The following ATP1B3 variants were observed in gnomAD, a reference collection of about 807,000 sequenced individuals.
ATP1B3 encodes the protein ATPase Na+/K+ transporting subunit beta 3.
Under a neutral mutation model 30.2 loss-of-function variants are expected in ATP1B3, and 10 were observed. That is an observed-to-expected ratio of 0.33 (90% CI 0.20 to 0.56). The LOEUF is 0.56. Among genes scored for constraint, ATP1B3 ranks in the 20% least tolerant of loss-of-function variants. ATP1B3 has a pLI of 0.90. For missense variants in ATP1B3, 238 were observed against 336.7 expected, an observed-to-expected ratio of 0.71 and a Z score of 2.29; for synonymous variants, 113 against 117.0, an observed-to-expected ratio of 0.97 and a Z score of 0.22.
At chr3:141,881,214 A>AAG (rs1203150128) in intron 1 of ATP1B3, among the ~76,000 whole-genome samples, 2 of 151,922 alleles carry the variant, frequency 1.3e-5, no homozygotes, top group Admixed American at 6.6e-5. Context: ...CAAAAAAAAA[A>AAG]AAAAGAAAAG....
At chr3:141,886,952 A>G (rs934206225) in intron 1 of ATP1B3, among the ~76,000 whole-genome samples, 4 of 152,216 alleles carry the variant, frequency 2.6e-5, no homozygotes, top group Non-Finnish European at 5.9e-5. Flanking sequence ...GCAGTGAGCC[A>G]TGATTGTGCC....
intron 1 of ATP1B3, among the ~76,000 whole-genome samples, chr3:141,897,095 G>T (rs910500727): frequency 6.6e-6 from 1 of 152,108 alleles, no homozygotes; most frequent in Non-Finnish European, 1.5e-5. Flanking sequence ...TGCTGCTACT[G>T]TTGCTAGTTG....
intron 6 of ATP1B3, among the ~76,000 whole-genome samples, chr3:141,923,845 A>G (rs375200048): frequency 2.0e-5 from 3 of 152,152 alleles, no homozygotes; most frequent in Non-Finnish European, 2.9e-5. Flanking sequence ...GTGGTTTTTC[A>G]TGATTAAATA....
intron 1 of ATP1B3, chr3:141,902,281 T>G (rs1160334485): frequency 2.7e-5 from 32 of 1,198,668 alleles, no homozygotes; most frequent in Non-Finnish European, 3.4e-5. Context: ...TGAAATTGCT[T>G]TAACTATTTC....
intron 1 of ATP1B3, among the ~76,000 whole-genome samples, chr3:141,890,717 C>T (rs879678109): frequency 4.7e-5 from 7 of 147,964 alleles, no homozygotes; most frequent in Non-Finnish European, 7.4e-5. Flanking sequence ...GGATTACAGA[C>T]GTGAGCCACC....
intron 3 of ATP1B3, among the ~76,000 whole-genome samples, chr3:141,908,331 A>G (rs1276780377): frequency 6.6e-6 from 1 of 152,070 alleles, no homozygotes; most frequent in Non-Finnish European, 1.5e-5. Flanking sequence ...CACATGAGTA[A>G]TCATCGAATG....
At chr3:141,889,264 C>G (rs1348089242) in intron 1 of ATP1B3, among the ~76,000 whole-genome samples, 3 of 152,056 alleles carry the variant, frequency 2.0e-5, no homozygotes, top group African/African-American at 7.2e-5. Flanking sequence ...CAAATCATAT[C>G]ACATAATATT....
At chr3:141,925,400 A>C in intron 6 of ATP1B3, 131 bp from the exon 7 acceptor site, 1 of 901,930 alleles carries the variant, frequency 1.1e-6, no homozygotes, top group Non-Finnish European at 1.6e-6. Context: ...AATGAGCCAT[A>C]ATTGCACCAC....
chr3:141,876,957 G>T (rs1409364606), intron 1 of ATP1B3, 47 bp downstream of exon 1: 2 of 1,449,540 alleles, frequency 1.4e-6, no homozygotes, highest in Non-Finnish European at 1.9e-6. Flanking sequence ...CGGTCCCGGG[G>T]GCGCCGGGCG....
chr3:141,901,947 A>G (rs1346091207), intron 1 of ATP1B3, among the ~76,000 whole-genome samples: 1 of 152,162 alleles, frequency 6.6e-6, no homozygotes, highest in African/African-American at 2.4e-5. Flanking sequence ...AGCCACACTC[A>G]TTACATTTAA....
intron 1 of ATP1B3, among the ~76,000 whole-genome samples, chr3:141,878,170 C>T (rs894573214): frequency 1.3e-5 from 2 of 152,090 alleles, no homozygotes; most frequent in African/African-American, 4.8e-5. Flanking sequence ...GTGATTTTTG[C>T]CTTGTGTAAA....
chr3:141,906,330 C>G (rs879452196), intron 2 of ATP1B3, among the ~76,000 whole-genome samples: 21 of 152,248 alleles, frequency 1.4e-4, no homozygotes, highest in Admixed American at 3.9e-4. Flanking sequence ...CAGGCATGCA[C>G]CACCACACCC....
At chr3:141,905,350 T>G (rs1287360161) in intron 2 of ATP1B3, among the ~76,000 whole-genome samples, 1 of 152,112 alleles carries the variant, frequency 6.6e-6, no homozygotes, top group Non-Finnish European at 1.5e-5. Flanking sequence ...AGAGAGGTGG[T>G]ACTGTGAATA....
rs1387415758 is a variant in ATP1B3, at chr3:141,876,769, G to T, written c.-33G>T. The T allele has an allele frequency of 2.1e-5, 33 of 1,561,990 alleles. No homozygotes were observed. The East Asian group carries it at 7.7e-4, about 36-fold the overall frequency. ...AGCCCTCGCCGCCTCCATCCCCGCG[G>T]CCGCAGCTCCTCTCGCCGTCCGCGC... is the stretch of plus-strand genomic sequence containing the variant. On this transcript the variant is annotated 5_prime_UTR_variant, in exon 1 of 7. Transcript: ENST00000286371.
intron 1 of ATP1B3, among the ~76,000 whole-genome samples, chr3:141,901,760 A>T (rs907147104): frequency 1.3e-5 from 2 of 152,226 alleles, no homozygotes; most frequent in Admixed American, 1.3e-4. Flanking sequence ...TAAAATCAAA[A>T]TGTTCAAAAC....
intron 1 of ATP1B3, among the ~76,000 whole-genome samples, chr3:141,897,495 T>C (rs973699294): frequency 6.6e-6 from 1 of 152,120 alleles, no homozygotes; most frequent in African/African-American, 2.4e-5. Context: ...GAAAAGACAA[T>C]AGAGCTTGAG....
chr3:141,908,339 A>T (rs1209194670), intron 3 of ATP1B3, among the ~76,000 whole-genome samples: 2 of 152,110 alleles, frequency 1.3e-5, no homozygotes, highest in East Asian at 3.9e-4. Flanking sequence ...TAATCATCGA[A>T]TGTCCTGGCC....
At chr3:141,878,655 A>G (rs1462956269) in intron 1 of ATP1B3, among the ~76,000 whole-genome samples, 2 of 152,238 alleles carry the variant, frequency 1.3e-5, no homozygotes, top group Non-Finnish European at 2.9e-5. Context: ...ACATGCACAA[A>G]TAAATAGAGA....
At chr3:141,892,023 C>T (rs1158039434) in intron 1 of ATP1B3, among the ~76,000 whole-genome samples, 2 of 151,828 alleles carry the variant, frequency 1.3e-5, no homozygotes, top group East Asian at 1.9e-4. Context: ...TCTACGTATA[C>T]TAGGTAACTG....
Sources: allele counts gnomAD v4.1 joint callset (sites outside exome capture counted in the v4.1 genomes callset), GRCh38; gene constraint gnomAD v4.1.1; transcripts MANE v1.5; gene names NCBI Gene and HGNC (gene_info 2026-07-23, HGNC 2026-07-21).